Variants in PDE3B observed in about 807,000 individuals in gnomAD.
PDE3B encodes the protein cGMP-inhibited 3',5'-cyclic phosphodiesterase 3B.
PDE3B carries 66 observed loss-of-function variants against 116.8 expected under a neutral mutation model. The ratio of observed to expected loss-of-function variants is 0.56; its 90% CI spans 0.46 to 0.69. The LOEUF is 0.69. PDE3B is among the 30% of genes least tolerant of loss of function. The pLI is 0.00. For missense variants in PDE3B, 1,384 were observed against 1,368.1 expected (o/e 1.01, Z -0.18); for synonymous variants, 595 against 533.6 (o/e 1.12, Z -1.59).
intron 13 of PDE3B, among the ~76,000 whole-genome samples, chr11:14,860,050 A>AG (rs1847918526): frequency 6.6e-6 from 1 of 152,206 alleles, no homozygotes; most frequent in South Asian, 2.1e-4. Context: ...ACCTGCTGGA[A>AG]GGAGACCCTT....
At chr11:14,669,594 C>T (rs1854303349) in intron 1 of PDE3B, among the ~76,000 whole-genome samples, 1 of 151,628 alleles carries the variant, frequency 6.6e-6, no homozygotes, top group African/African-American at 2.4e-5. Context: ...AAGTATTCCT[C>T]ATGCTATCCC....
chr11:14,845,248 G>A (rs1847572579), intron 12 of PDE3B, among the ~76,000 whole-genome samples: 1 of 152,096 alleles, frequency 6.6e-6, no homozygotes, highest in Non-Finnish European at 1.5e-5. Flanking sequence ...TGCACCTCTA[G>A]CAAACTCCAA....
intron 1 of PDE3B, among the ~76,000 whole-genome samples, chr11:14,702,641 A>G (rs1855400064): frequency 6.6e-6 from 1 of 151,854 alleles, no homozygotes; most frequent in South Asian, 2.1e-4. Flanking sequence ...TATGGCTATT[A>G]AAATTAAAAT....
At chr11:14,848,016 C>G (rs941845616) in intron 12 of PDE3B, among the ~76,000 whole-genome samples, 2 of 151,928 alleles carry the variant, frequency 1.3e-5, no homozygotes, top group African/African-American at 4.8e-5. Context: ...GATACCAAAG[C>G]CTGGCAGAGA....
intron 1 of PDE3B, among the ~76,000 whole-genome samples, chr11:14,694,069 T>C (rs1353201632): frequency 5.3e-5 from 8 of 152,100 alleles, no homozygotes; most frequent in Admixed American, 5.2e-4. Flanking sequence ...GTGATGGAAA[T>C]AGCAAGGGAA....
At chr11:14,880,839 T>C in the PDE3B span, 10 of 1,439,482 alleles carry the variant, frequency 6.9e-6, no homozygotes, top group Admixed American at 6.9e-5. Context: ...GGAACAAAAT[T>C]TTTTTAATGG....
At chr11:14,669,522 G>T (rs1854300857) in intron 1 of PDE3B, among the ~76,000 whole-genome samples, 1 of 130,908 alleles carries the variant, frequency 7.6e-6, no homozygotes. Context: ...GTGCAGGTTT[G>T]TTACATATGT....
chr11:14,820,863 A>G (rs998679043), intron 7 of PDE3B, among the ~76,000 whole-genome samples: 6 of 152,218 alleles, frequency 3.9e-5, no homozygotes, highest in African/African-American at 9.6e-5. Flanking sequence ...TGAGAAATAA[A>G]TTCCTATTTT....
chr11:14,831,642 T>A lies in PDE3B; in HGVS notation c.1959T>A (p.Ile653=). 1 of 1,562,698 alleles carries A rather than the reference T, an allele frequency of 6.4e-7. No individual in the cohort carries two copies. The highest frequency in any genetic ancestry group is 8.7e-7 in the Non-Finnish European group (1 of 1,150,652). ...TTGTTGTTTCCCTGTATGTACAGAT[T>A]GAACAGGAAGTATCACTGGACCTGA... ...EEAQSEQQTN[I]EQEVSLDLIL... The change falls in exon 9 of 16, where the codon ATT becomes ATA. Residue 653 remains isoleucine (I), a splice_region_variant and synonymous_variant. Transcript: ENST00000282096.
chr11:14,645,181 G>GT lies in PDE3B; in HGVS notation c.978+128_978+129insT, dbSNP rs1853360313. 14 of 463,074 alleles carry GT rather than the reference G, an allele frequency of 3.0e-5. No homozygotes were observed. The South Asian group carries it at 4.6e-4, about 15-fold the overall frequency. The allele number at this position is 463,074 out of a possible 1,614,324, so 28.7% of individuals were successfully genotyped here. ...AATGGAAAAAGGGTGTGTTGCGGGG[G>GT]GGGGGGGGGAGGAAATAATGTTTTA... On this transcript the variant is annotated intron_variant, in intron 1 of 15. Transcript: ENST00000282096.
At chr11:14,704,156 T>TA (rs1286024925) in intron 1 of PDE3B, among the ~76,000 whole-genome samples, 2 of 151,902 alleles carry the variant, frequency 1.3e-5, no homozygotes, top group East Asian at 3.9e-4. Context: ...ATATTCATGA[T>TA]AAAAAGTACC....
At chr11:14,710,581 T>A (rs1402557711) in intron 1 of PDE3B, among the ~76,000 whole-genome samples, 1 of 152,100 alleles carries the variant, frequency 6.6e-6, no homozygotes, top group Non-Finnish European at 1.5e-5. Context: ...ATTACAAAGG[T>A]TGGATTTAGA....
downstream of PDE3B, among the ~76,000 whole-genome samples, chr11:14,876,383 G>T (rs978724263): frequency 4.6e-5 from 7 of 152,082 alleles, no homozygotes; most frequent in African/African-American, 1.7e-4. Flanking sequence ...CAAGAAGGTA[G>T]GTTGGAAAGT....
the PDE3B span, chr11:14,887,539 T>C: frequency 6.0e-4 from 557 of 928,268 alleles, no homozygotes; most frequent in Non-Finnish European, 7.0e-4. Context: ...TTATATATTC[T>C]TTGATTTATT....
Position 14,655,291 on chromosome 11 carries a change from A to G in PDE3B, c.978+10238A>G, listed in dbSNP as rs1196182051. On this transcript the variant is annotated intron_variant, in intron 1 of 15. Coordinates refer to ENST00000282096, the MANE Select transcript of PDE3B (RefSeq NM_000922.4). ...AATTCACCAAGAAGATAAAATTTAA[A>G]ATTGTAGATACCTAATAACATAAAT... Among the ~76,000 whole-genome samples, 3 of 152,170 alleles carry G rather than the reference A, an allele frequency of 2.0e-5. No homozygotes were observed. The East Asian group carries it at 5.8e-4, about 29-fold the overall frequency.
At chr11:14,744,260 T>G (rs1255590502) in intron 1 of PDE3B, among the ~76,000 whole-genome samples, 1 of 152,208 alleles carries the variant, frequency 6.6e-6, no homozygotes, top group East Asian at 1.9e-4. Flanking sequence ...TTTTCTTTGA[T>G]TTGGTTATTC....
intron 5 of PDE3B, among the ~76,000 whole-genome samples, chr11:14,805,287 C>T (rs1858884700): frequency 1.3e-5 from 2 of 152,126 alleles, no homozygotes; most frequent in Non-Finnish European, 2.9e-5. Flanking sequence ...ATGATATTGA[C>T]AGTGACTTGT....
At chr11:14,700,253 T>A (rs1010421904) in intron 1 of PDE3B, among the ~76,000 whole-genome samples, 7 of 151,782 alleles carry the variant, frequency 4.6e-5, no homozygotes, top group Non-Finnish European at 8.9e-5. Flanking sequence ...AAAGTGAAGC[T>A]ATGTATTAAT....
chr11:14,819,083 T>TA, intron 6 of PDE3B, 53 bp from the exon 7 acceptor site: 1 of 1,078,544 alleles, frequency 9.3e-7, no homozygotes, highest in Non-Finnish European at 1.4e-6. Context: ...TGTGTTCAGG[T>TA]AAAAAACTTG....
Sources: allele counts gnomAD v4.1 joint callset (sites outside exome capture counted in the v4.1 genomes callset), GRCh38; gene constraint gnomAD v4.1.1; transcripts MANE v1.5; gene names NCBI Gene and HGNC (gene_info 2026-07-23, HGNC 2026-07-21).